Variants in PACRG observed in about 807,000 individuals in gnomAD.
PACRG encodes the protein parkin coregulated gene protein.
In PACRG, 29 loss-of-function variants were observed where a neutral mutation model predicts 29.7. The observed-to-expected ratio is 0.98, with a 90% CI of 0.73 to 1.33. The LOEUF is 1.33. PACRG is among the 40% of genes most tolerant of loss of function. PACRG has a pLI of 0.00. For missense variants in PACRG, 279 were observed against 316.2 expected (o/e 0.88, Z 0.89); for synonymous variants, 116 against 118.7 (o/e 0.98, Z 0.15).
intron 2 of PACRG, among the ~76,000 whole-genome samples, chr6:162,857,012 A>G (rs1246140872): frequency 6.6e-6 from 1 of 152,178 alleles, no homozygotes; most frequent in Non-Finnish European, 1.5e-5. Flanking sequence ...GGGATCAGAC[A>G]TGTCACCCCT....
chr6:162,870,590 C>T (rs1792718589), intron 2 of PACRG, among the ~76,000 whole-genome samples: 2 of 152,194 alleles, frequency 1.3e-5, no homozygotes, highest in South Asian at 4.1e-4. Context: ...ATGCTTTCCT[C>T]CTGAGTCCCC....
intron 2 of PACRG, among the ~76,000 whole-genome samples, chr6:162,867,604 A>G (rs1584591989): frequency 1.3e-5 from 2 of 152,336 alleles, no homozygotes; most frequent in Admixed American, 1.3e-4. Context: ...TAAAATGTGC[A>G]TTGAGATATT....
chr6:162,793,998 T>A (rs1785166770), intron 1 of PACRG, among the ~76,000 whole-genome samples: 1 of 152,136 alleles, frequency 6.6e-6, no homozygotes, highest in Non-Finnish European at 1.5e-5. Flanking sequence ...AAAATAAAAG[T>A]TAAATTTAAA....
chr6:162,851,742 T>C (rs1790877506), intron 2 of PACRG, among the ~76,000 whole-genome samples: 1 of 152,080 alleles, frequency 6.6e-6, no homozygotes, highest in Non-Finnish European at 1.5e-5. Context: ...AAAATTATTA[T>C]TGATTATTAT....
At chr6:162,813,235 A>C (rs1787037480) in intron 1 of PACRG, among the ~76,000 whole-genome samples, 1 of 151,984 alleles carries the variant, frequency 6.6e-6, no homozygotes, top group Non-Finnish European at 1.5e-5. Flanking sequence ...TATTTTGTCT[A>C]TAGTTAGTAT....
At chr6:163,260,900 T>A (rs1783299008) in intron 4 of PACRG, among the ~76,000 whole-genome samples, 1 of 152,156 alleles carries the variant, frequency 6.6e-6, no homozygotes, top group African/African-American at 2.4e-5. Flanking sequence ...CAGGACCATG[T>A]CTGTAAGGTA....
intron 2 of PACRG, among the ~76,000 whole-genome samples, chr6:163,031,106 T>G (rs559944108): frequency 6.6e-6 from 1 of 152,220 alleles, no homozygotes; most frequent in Non-Finnish European, 1.5e-5. Flanking sequence ...GGGCCATTCA[T>G]GACTCTTGAG....
chr6:162,905,583 A>T (rs2128065930), intron 2 of PACRG, among the ~76,000 whole-genome samples: 1 of 152,312 alleles, frequency 6.6e-6, no homozygotes, highest in East Asian at 1.9e-4. Flanking sequence ...GACGTCTGCT[A>T]CTTTGCTGTT....
chr6:162,806,799 C>T (rs1584414735), intron 1 of PACRG, among the ~76,000 whole-genome samples: 1 of 152,160 alleles, frequency 6.6e-6, no homozygotes, highest in African/African-American at 2.4e-5. Context: ...GCTGCGTTAG[C>T]CCCTAACAAG....
chr6:163,006,170 AACAT>A (rs1262895627), intron 2 of PACRG, among the ~76,000 whole-genome samples: 4 of 140,774 alleles, frequency 2.8e-5, no homozygotes, highest in Non-Finnish European at 4.6e-5. Context: ...TATAATATAA[AACAT>A]ACATATATAT....
chr6:162,995,555 C>G (rs1803941055), intron 2 of PACRG, among the ~76,000 whole-genome samples: 1 of 152,238 alleles, frequency 6.6e-6, no homozygotes, highest in Admixed American at 6.5e-5. Flanking sequence ...ACTCCCTGAC[C>G]CCTTGCGCTT....
At chr6:163,148,990 T>G (rs1431223824) in intron 4 of PACRG, among the ~76,000 whole-genome samples, 25 of 81,758 alleles carry the variant, frequency 3.1e-4, no homozygotes, top group African/African-American at 3.8e-4. Context: ...GGTGGAAAAA[T>G]GTCCCTGACG....
intron 4 of PACRG, chr6:163,101,040 T>C: frequency 1.0e-6 from 1 of 982,354 alleles, no homozygotes; most frequent in South Asian, 4.7e-5. Flanking sequence ...ATATGAGCTT[T>C]AGTGAGCATA....
At chr6:162,734,725 G>T (rs944896859) in intron 1 of PACRG, among the ~76,000 whole-genome samples, 3 of 152,082 alleles carry the variant, frequency 2.0e-5, no homozygotes, top group Non-Finnish European at 4.4e-5. Flanking sequence ...CTTATTAAAG[G>T]ATAGAGCAAG....
At chr6:162,926,944 TAAAC>T (rs1198761819) in intron 2 of PACRG, among the ~76,000 whole-genome samples, 1 of 151,470 alleles carries the variant, frequency 6.6e-6, no homozygotes, top group Non-Finnish European at 1.5e-5. Context: ...ACAAGGAACT[TAAAC>T]AAATTTACAA....
chr6:162,782,108 G>C (rs115606806), intron 1 of PACRG, among the ~76,000 whole-genome samples: 1 of 151,814 alleles, frequency 6.6e-6, no homozygotes, highest in Non-Finnish European at 1.5e-5. Flanking sequence ...AGACAACTGC[G>C]ATAGCTAATG....
chr6:162,886,700 G>A (rs1357787036), intron 2 of PACRG, among the ~76,000 whole-genome samples: 1 of 152,114 alleles, frequency 6.6e-6, no homozygotes, highest in Middle Eastern at 3.2e-3. Flanking sequence ...AATTGATTTT[G>A]AGGTCTTATT....
intron 2 of PACRG, among the ~76,000 whole-genome samples, chr6:162,858,546 A>C (rs1791592875): frequency 6.6e-6 from 1 of 152,262 alleles, no homozygotes; most frequent in African/African-American, 2.4e-5. Context: ...TGAGAACCTT[A>C]GAGCAAAGGA....
chr6:163,291,481 T>G (rs1330908547), intron 4 of PACRG, among the ~76,000 whole-genome samples: 1 of 152,084 alleles, frequency 6.6e-6, no homozygotes, highest in East Asian at 1.9e-4. Flanking sequence ...GCGGGGCATC[T>G]GCAGCCCACG....
Sources: allele counts gnomAD v4.1 joint callset (sites outside exome capture counted in the v4.1 genomes callset), GRCh38; gene constraint gnomAD v4.1.1; transcripts MANE v1.5; gene names NCBI Gene and HGNC (gene_info 2026-07-23, HGNC 2026-07-21).